Variants in HSPG2 observed in about 807,000 individuals in gnomAD.
HSPG2 encodes basement membrane-specific heparan sulfate proteoglycan core protein.
A neutral mutation model predicts 526.6 loss-of-function variants in HSPG2; 278 were observed. The ratio of observed to expected loss-of-function variants is 0.53; its 90% CI spans 0.48 to 0.58. HSPG2 has a LOEUF of 0.58. Among genes scored for constraint, HSPG2 ranks in the 20% least tolerant of loss-of-function variants. The pLI is 0.00. For missense variants in HSPG2, 5,354 were observed against 6,099.5 expected, an observed-to-expected ratio of 0.88 and a Z score of 4.07; for synonymous variants, 2,465 against 2,555.4, an observed-to-expected ratio of 0.96 and a Z score of 1.07.
rs756722962 is a variant in HSPG2 at position 21,849,013 on chromosome 1, G to A, written c.7465C>T (p.Arg2489Cys). 1.9e-5 allele frequency: 31 copies of A among 1,613,910 alleles called. No individual in the cohort carries two copies. In the South Asian group the frequency reaches 2.5e-4, roughly 13 times the overall value. ...TCAGCTGGGGTCACCTGGAGCAGGC[G>A]TAGCCTCGAGCCATGCACCTGGGAG... ...ARHQVHGSRL[R>C]LLQVTPADSG... Residue 2489 changes from arginine to cysteine, a missense_variant, in exon 58 of 97, where the codon CGC (arginine) becomes TGC (cysteine). Arg to Cys is a radical substitution (Grantham distance 180). Coordinates refer to ENST00000374695, the MANE Select transcript of HSPG2 (RefSeq NM_005529.7).
Position 21,900,682 on chromosome 1 carries a change from C to T in HSPG2, c.64-4372G>A, listed in dbSNP as rs7514011. Reference sequence around the variant, plus strand: ...TACAGATCACTTGAGGCCAGAAGTTCGAGACCAGCCTGGCCTACAGGGTGA... The same window carrying T: ...TACAGATCACTTGAGGCCAGAAGTTTGAGACCAGCCTGGCCTACAGGGTGA... On this transcript the variant is annotated intron_variant, in intron 1 of 96. Coordinates refer to ENST00000374695, the MANE Select transcript of HSPG2 (RefSeq NM_005529.7). Among the ~76,000 whole-genome samples, 299 of 152,180 alleles carry T rather than the reference C, an allele frequency of 2.0e-3. 3 individuals are homozygous for T. Among genetic ancestry groups the T allele is most frequent in the African/African-American group, 6.8e-3 (283 of 41,518 alleles).
intron 64 of HSPG2, 103 bp from the exon 65 acceptor site, chr1:21,844,402 G>C: frequency 1.5e-6 from 2 of 1,301,004 alleles, no homozygotes; most frequent in South Asian, 1.4e-5. Context: ...TTGGGACATG[G>C]CTTCTTTCCC....
rs765776897 is a variant in HSPG2 at position 21,881,323 on chromosome 1, AGCCCAGG to A, written c.1818+9_1818+15del. 0.018 allele frequency: 28 copies of A among 1,562 alleles called. No individual in the cohort carries two copies. In the Admixed American group the frequency reaches 0.23, roughly 13 times the overall value. The allele number at this position is 1,562 out of a possible 1,614,324, so 0.1% of individuals were successfully genotyped here. On this transcript the variant is annotated intron_variant, in intron 14 of 96. Transcript: ENST00000374695. ...GAATTCTTTCCCCACCCAGGGTGGC[AGCCCAGG>A]CCCCTCACCTTGTTGCCCAGGAACT...
At chr1:21,881,044 T>A (rs1274357138) in intron 14 of HSPG2, among the ~76,000 whole-genome samples, 1 of 152,066 alleles carries the variant, frequency 6.6e-6, no homozygotes, top group Non-Finnish European at 1.5e-5. Flanking sequence ...GGGTGTGGAA[T>A]CATGCAGTGC....
intron 1 of HSPG2, among the ~76,000 whole-genome samples, chr1:21,934,822 C>A (rs1423072514): frequency 1.3e-5 from 2 of 152,154 alleles, no homozygotes; most frequent in African/African-American, 4.8e-5. Context: ...ATCTTGAACT[C>A]CTGACCTCAT....
At position 21,841,268 on chromosome 1, in the gene HSPG2, C is replaced by A. The variant is rs758871690; in HGVS notation, c.9346G>T (p.Val3116Leu). 6.2e-7 allele frequency: 1 copy of A among 1,613,764 alleles called. No individual in the cohort carries two copies. The highest frequency in any genetic ancestry group is 8.5e-7 in the Non-Finnish European group (1 of 1,180,018). ...LSVHGPPTVS[V>L]LPEGPVWVKV... Reference sequence around the variant, plus strand: ...ACCCACACGGGGCCCTCGGGGAGCACGGACACTGTAGGGGGCCCTGTGCGG... The same window carrying A: ...ACCCACACGGGGCCCTCGGGGAGCAAGGACACTGTAGGGGGCCCTGTGCGG... The change falls in exon 71 of 97, where the codon GTG (valine) becomes TTG (leucine). Residue 3116 changes from valine to leucine, a missense_variant. Val to Leu is a conservative substitution (Grantham distance 32). Coordinates refer to ENST00000374695, the MANE Select transcript of HSPG2 (RefSeq NM_005529.7).
chr1:21,876,250 A>T lies in HSPG2; in HGVS notation c.2982T>A (p.Pro994=), dbSNP rs1371838771. The T allele has an allele frequency of 6.2e-7, 1 of 1,612,030 alleles. No homozygotes were observed. The highest frequency in any genetic ancestry group is 8.5e-7 in the Non-Finnish European group (1 of 1,179,224). ...CCACCTTGTCCCCCAGGAAGCGTGA[A>T]GGGAGGCTCCAGAAGTAGGGTCCAG... The part of the protein sequence containing the change: ...LLSGPYFWSL[P]SRFLGDKVTS... Residue 994 remains proline, a synonymous_variant, in exon 23 of 97, where the codon CCT becomes CCA. Coordinates refer to ENST00000374695, the MANE Select transcript of HSPG2 (RefSeq NM_005529.7).
At chr1:21,885,969 G>T (rs540370071) in intron 9 of HSPG2, among the ~76,000 whole-genome samples, 8 of 152,366 alleles carry the variant, frequency 5.3e-5, no homozygotes, top group Non-Finnish European at 5.9e-5. Context: ...GCCCTGCTAG[G>T]CCTCTCTAGT....
At chr1:21,880,051 TCACA>T in intron 17 of HSPG2, 52 bp downstream of exon 17, 1 of 1,597,936 alleles carries the variant, frequency 6.3e-7, no homozygotes, top group African/African-American at 1.3e-5. Flanking sequence ...ACAGGGAATC[TCACA>T]CATTGTCCCT....
rs758574000 is a variant in HSPG2 at position 21,909,237 on chromosome 1, A to G, written c.64-12927T>C. The stretch of plus-strand genomic sequence containing the variant: ...TATACCTCCCCTCTTGCCCTGTTCC[A>G]AAAAGGCTGCAGACAGCTTACAAAG... On this transcript the variant is annotated intron_variant, in intron 1 of 96. Transcript: ENST00000374695. Among the ~76,000 whole-genome samples the G allele has an allele frequency of 5.0e-4, 76 of 152,238 alleles. 1 individual carries two copies. Among genetic ancestry groups the G allele is most frequent in the Non-Finnish European group, 7.3e-5 (5 of 68,042 alleles).
Position 21,853,065 on chromosome 1 carries a change from C to A in HSPG2, c.6445G>T (p.Gly2149Cys). 1 of 1,613,838 alleles carries A rather than the reference C, an allele frequency of 6.2e-7. No individual in the cohort carries two copies. The stretch of plus-strand genomic sequence containing the variant: ...TCGATGCGGATGGGCCGGGTGCTGC[C>A]GGGCACTGGACACAGAGCGGCTGCT... ...HSGPSYTPVP[G>C]STRPIRIEPS... The change falls in exon 51 of 97, where the codon GGC becomes TGC. Residue 2149 changes from glycine to cysteine, a missense_variant. Coordinates refer to ENST00000374695, the MANE Select transcript of HSPG2 (RefSeq NM_005529.7).
In HSPG2 at chr1:21,852,939, T is replaced by G. The variant is rs1639030338; in HGVS notation, c.6571A>C (p.Ser2191Arg). Residue 2191 changes from serine to arginine, a missense_variant, in exon 51 of 97, where the codon AGC becomes CGC. Physicochemically the swap from Ser to Arg is moderately radical, Grantham distance 110 (BLOSUM62 -1). Transcript: ENST00000374695. ...AQVTWHKRGG[S>R]LPARHQTHGS... ...CATACCTGGTGCCGGGCAGGGAGGC[T>G]GCCCCCACGCTTGTGCCACGTGACC... The G allele has an allele frequency of 1.2e-6, 2 of 1,613,260 alleles. No individual in the cohort carries two copies. Among genetic ancestry groups the G allele is most frequent in the Non-Finnish European group, 1.7e-6 (2 of 1,179,850 alleles).
intron 1 of HSPG2, among the ~76,000 whole-genome samples, chr1:21,910,992 G>A (rs1418609896): frequency 6.6e-6 from 1 of 152,270 alleles, no homozygotes; most frequent in East Asian, 1.9e-4. Context: ...TGAAGCCCCT[G>A]GCATCCTGCG....
At chr1:21,875,522 A>T in intron 25 of HSPG2, 107 bp downstream of exon 25, 1 of 849,146 alleles carries the variant, frequency 1.2e-6, no homozygotes, top group Non-Finnish European at 2.0e-6. Flanking sequence ...AGGGAAAGTG[A>T]GGCACAAAAG....
In HSPG2 at chr1:21,890,810, C is replaced by A. The variant is rs1642305656; in HGVS notation, c.245-116G>T. ...TGGCCCCCAGAGGCCTCCCTCGAGG[C>A]TGACACCTGTGTGCCCACTGCTACA... On this transcript the variant is annotated intron_variant, in intron 3 of 96. Coordinates refer to ENST00000374695, the MANE Select transcript of HSPG2 (RefSeq NM_005529.7). This position sits in a 1 kb window ranked among gnomAD's most constrained non-coding sequence, Gnocchi z 4.1. 15 of 763,138 alleles carry A rather than the reference C, an allele frequency of 2.0e-5. No homozygotes were observed. The highest frequency in any genetic ancestry group is 3.0e-4 in the Middle Eastern group (1 of 3,372). The allele number at this position is 763,138 out of a possible 1,614,324, so 47.3% of individuals were successfully genotyped here.
At position 21,896,030 on chromosome 1, in the gene HSPG2, AG is replaced by A. The variant is rs1468270440; in HGVS notation, c.200-65del. On this transcript the variant is annotated intron_variant, in intron 2 of 96. Coordinates refer to ENST00000374695, the MANE Select transcript of HSPG2 (RefSeq NM_005529.7). ...ATTTGTTGAGTACCTACTGGGTGTCAGGCACTGTTCTGGGCACCTAGTATAC... is the reference window on the plus strand; with the variant it reads ...ATTTGTTGAGTACCTACTGGGTGTCAGCACTGTTCTGGGCACCTAGTATAC... 27 of 1,593,812 alleles carry A rather than the reference AG, an allele frequency of 1.7e-5. No homozygotes were observed. The East Asian group carries it at 5.8e-4, about 34-fold the overall frequency.
intron 47 of HSPG2, 147 bp from the exon 48 acceptor site, chr1:21,855,130 C>G: frequency 7.3e-7 from 1 of 1,362,340 alleles, no homozygotes; most frequent in Non-Finnish European, 1.0e-6. Flanking sequence ...GCCAGGCAGC[C>G]AAGAGGACGG....
Position 21,865,372 on chromosome 1 carries a change from A to G in HSPG2, c.4315-7T>C, listed in dbSNP as rs771863761. 32 of 1,613,968 alleles carry G rather than the reference A, an allele frequency of 2.0e-5. No individual in the cohort carries two copies. The highest frequency in any genetic ancestry group is 2.7e-5 in the Non-Finnish European group (32 of 1,179,932). ...CTAGCATGATGTTGTTGCCCTGGAAAGACACCAGCAGGATTGGAAGGGGAG... is the reference window on the plus strand; with the variant it reads ...CTAGCATGATGTTGTTGCCCTGGAAGGACACCAGCAGGATTGGAAGGGGAG... On this transcript the variant is annotated splice_region_variant and splice_polypyrimidine_tract_variant and intron_variant, in intron 34 of 96. Coordinates refer to ENST00000374695, the MANE Select transcript of HSPG2 (RefSeq NM_005529.7). The surrounding 1 kb of genome is among the most constrained non-coding windows in gnomAD (Gnocchi z 5.4).
chr1:21,933,787 A>C (rs1397550920), intron 1 of HSPG2, among the ~76,000 whole-genome samples: 1 of 152,178 alleles, frequency 6.6e-6, no homozygotes, highest in Non-Finnish European at 1.5e-5. Flanking sequence ...GGCACACTCA[A>C]AACCCCATCC....
Sources: gnomAD v4.1 joint callset for allele counts (sites outside exome capture counted in the v4.1 genomes callset) on GRCh38, gnomAD v4.1.1 for gene constraint, Gnocchi (gnomAD v3.1) non-coding constraint, MANE v1.5 for transcripts, NCBI Gene and HGNC (gene_info 2026-07-23, HGNC 2026-07-21) for gene names.